Variants in SPECC1 observed in about 807,000 individuals in gnomAD.
The protein encoded by SPECC1 is sperm antigen with calponin homology and coiled-coil domains 1.
A neutral mutation model predicts 104.1 loss-of-function variants in SPECC1; 62 were observed. The observed-to-expected ratio is 0.60, with a 90% CI of 0.49 to 0.74. SPECC1 has a LOEUF of 0.74. Ranked by LOEUF, SPECC1 falls within the 30% of genes least tolerant of loss-of-function variation. The probability of loss-of-function intolerance (pLI) is 0.00; values close to 1 mark genes in which losing one functional copy is unlikely to be tolerated. For missense variants in SPECC1, 1,306 were observed against 1,310.5 expected, an observed-to-expected ratio of 1.00 and a Z score of 0.05; for synonymous variants, 513 against 501.6, an observed-to-expected ratio of 1.02 and a Z score of -0.30.
intron 1 of SPECC1, among the ~76,000 whole-genome samples, chr17:20,077,673 G>T (rs894208259): frequency 6.6e-6 from 1 of 152,050 alleles, no homozygotes; most frequent in African/African-American, 2.4e-5. Context: ...TGCAATGTTG[G>T]CCAGGCTGGT....
chr17:20,143,625 G>A (rs1214835510), intron 3 of SPECC1, among the ~76,000 whole-genome samples: 1 of 151,632 alleles, frequency 6.6e-6, no homozygotes, highest in Non-Finnish European at 1.5e-5. Flanking sequence ...CGGAGGTTGA[G>A]CCACTGCACT....
At chr17:20,071,092 C>T (rs1424572263) in intron 1 of SPECC1, among the ~76,000 whole-genome samples, 1 of 152,098 alleles carries the variant, frequency 6.6e-6, no homozygotes, top group African/African-American at 2.4e-5. Flanking sequence ...TATTTGCAAG[C>T]ACAATCATAG....
intron 3 of SPECC1, among the ~76,000 whole-genome samples, chr17:20,124,956 G>A (rs1412507291): frequency 6.6e-5 from 10 of 152,112 alleles, no homozygotes; most frequent in African/African-American, 1.4e-4. Flanking sequence ...CGAGGTGGGC[G>A]GATCACGAGG....
At chr17:20,160,238 GT>G (rs2033010535) in intron 3 of SPECC1, among the ~76,000 whole-genome samples, 1 of 152,140 alleles carries the variant, frequency 6.6e-6, no homozygotes, top group Non-Finnish European at 1.5e-5. Context: ...TCTGGTGTGA[GT>G]TGGGGGCCAT....
chr17:20,290,845 C>T lies in SPECC1; in HGVS notation c.2941-6116C>T, dbSNP rs556153924. ...AGTGTTCAATGAACTAGCATATGGG[C>T]GCCTTCTTGGTTGTGGGAGATGGTG... On this transcript the variant is annotated intron_variant, in intron 12 of 14. Coordinates refer to ENST00000395527, the MANE Select transcript of SPECC1 (RefSeq NM_001243439.2). 2.6e-5 allele frequency among the ~76,000 whole-genome samples: 4 copies of T among 152,266 alleles called. No individual in the cohort carries two copies. In the South Asian group the frequency reaches 6.2e-4, roughly 24 times the overall value.
intron 14 of SPECC1, among the ~76,000 whole-genome samples, chr17:20,307,980 A>G (rs2142179659): frequency 6.6e-6 from 1 of 152,368 alleles, no homozygotes; most frequent in East Asian, 1.9e-4. Context: ...GTAGGAAATT[A>G]TCAAAGACTA....
intron 3 of SPECC1, among the ~76,000 whole-genome samples, chr17:20,154,299 GCTTA>G (rs1315157819): frequency 5.3e-5 from 8 of 152,186 alleles, no homozygotes; most frequent in African/African-American, 1.4e-4. Context: ...TGAGGGTCTG[GCTTA>G]CTATTTAATG....
chr17:20,069,855 A>C (rs1377053254), intron 1 of SPECC1, among the ~76,000 whole-genome samples: 1 of 152,004 alleles, frequency 6.6e-6, no homozygotes, highest in Non-Finnish European at 1.5e-5. Context: ...TTAAACATAA[A>C]TATTTTATTC....
rs774594977 is a variant in SPECC1, at chr17:20,205,093, C to T, written c.1044C>T (p.Asn348=). The change falls in exon 4 of 15, where the codon AAC becomes AAT. Residue 348 remains asparagine, a synonymous_variant. Transcript: ENST00000395527. Reference sequence around the variant, plus strand: ...CAAGGCCCCTGTCCTCCACCAGTAACCCCTTTAAGAGTTCAAAGTGTTCTA... The same window carrying T: ...CAAGGCCCCTGTCCTCCACCAGTAATCCCTTTAAGAGTTCAAAGTGTTCTA... ...TPSRPLSSTS[N]PFKSSKCSTA... The T allele has an allele frequency of 6.2e-7, 1 of 1,614,164 alleles. No homozygotes were observed. The highest frequency in any genetic ancestry group is 8.5e-7 in the Non-Finnish European group (1 of 1,180,024).
At chr17:20,040,402 A>G (rs1008509637) in intron 1 of SPECC1, among the ~76,000 whole-genome samples, 1 of 152,100 alleles carries the variant, frequency 6.6e-6, no homozygotes, top group African/African-American at 2.4e-5. Context: ...AATTACATGT[A>G]TTTTTGCTTA....
chr17:20,222,016 GTTTTTT>G (rs34220423), intron 4 of SPECC1, among the ~76,000 whole-genome samples: 1 of 140,504 alleles, frequency 7.1e-6, no homozygotes, highest in African/African-American at 2.6e-5. Flanking sequence ...TATGATTTCA[GTTTTTT>G]TTTTTTTTTT....
chr17:20,307,445 G>A (rs2041800420), intron 14 of SPECC1, among the ~76,000 whole-genome samples: 1 of 152,130 alleles, frequency 6.6e-6, no homozygotes, highest in African/African-American at 2.4e-5. Flanking sequence ...CAGGAAGAAG[G>A]GGAAGAGAGA....
Position 20,015,571 on chromosome 17 carries a change from T to C in SPECC1, c.-22+6147T>C, listed in dbSNP as rs190593549. On this transcript the variant is annotated intron_variant, in intron 1 of 14. Coordinates refer to ENST00000395527, the MANE Select transcript of SPECC1 (RefSeq NM_001243439.2). ...AAATATTGATTATCATATTTTTAAC[T>C]TTCCGGGTCTCTATTTTTTTTTTTT... is the stretch of plus-strand genomic sequence containing the variant. Among the ~76,000 whole-genome samples, 51 of 147,190 alleles carry C rather than the reference T, an allele frequency of 3.5e-4. 1 individual carries two copies. Among genetic ancestry groups the C allele is most frequent in the Non-Finnish European group, 6.6e-4 (44 of 66,562 alleles).
intron 1 of SPECC1, among the ~76,000 whole-genome samples, chr17:20,052,170 T>C (rs772605794): frequency 1.3e-5 from 2 of 152,188 alleles, no homozygotes; most frequent in Non-Finnish European, 2.9e-5. Flanking sequence ...AGTTTCAATA[T>C]CATGTGCCTA....
intron 7 of SPECC1, among the ~76,000 whole-genome samples, chr17:20,240,573 CTCTT>C (rs1311925122): frequency 3.3e-5 from 5 of 152,224 alleles, no homozygotes; most frequent in Admixed American, 3.3e-4. Flanking sequence ...TGATCCACCT[CTCTT>C]TATTTAATCT....
intron 12 of SPECC1, among the ~76,000 whole-genome samples, chr17:20,262,803 G>A (rs1213164316): frequency 6.6e-6 from 1 of 152,092 alleles, no homozygotes; most frequent in Non-Finnish European, 1.5e-5. Flanking sequence ...GCAGTCAGAT[G>A]TCTTAAAACC....
intron 7 of SPECC1, chr17:20,238,259 C>A: frequency 9.6e-7 from 1 of 1,041,032 alleles, no homozygotes; most frequent in Non-Finnish European, 1.2e-6. Context: ...GACAACTACA[C>A]CAAAGTTTCA....
chr17:20,257,714 T>C, intron 11 of SPECC1, 107 bp downstream of exon 11: 1 of 1,403,924 alleles, frequency 7.1e-7, no homozygotes, highest in South Asian at 1.3e-5. Flanking sequence ...AAATATTTCC[T>C]GCATGAAAAT....
Position 20,098,866 on chromosome 17 carries a change from T to G in SPECC1, c.147+2068T>G, listed in dbSNP as rs117297379. 8.7e-3 allele frequency among the ~76,000 whole-genome samples: 1,332 copies of G among 152,320 alleles called. 12 individuals carry two copies. The highest frequency in any genetic ancestry group is 0.013 in the Non-Finnish European group (904 of 68,034). ...CCCCCTGCAGACAGGGACTGTATGC[T>G]TCTTTTTTGTACTCGGCTCTGTCCC... On this transcript the variant is annotated intron_variant, in intron 2 of 14. Coordinates refer to ENST00000395527, the MANE Select transcript of SPECC1 (RefSeq NM_001243439.2).
Sources: gnomAD v4.1 joint callset for allele counts (sites outside exome capture counted in the v4.1 genomes callset) on GRCh38, gnomAD v4.1.1 for gene constraint, MANE v1.5 for transcripts, NCBI Gene and HGNC (gene_info 2026-07-23, HGNC 2026-07-21) for gene names.